The following GPC6 variants were observed in gnomAD, a reference collection of about 807,000 sequenced individuals.
GPC6 encodes glypican 6.
GPC6 carries 14 observed loss-of-function variants against 55.2 expected under a neutral mutation model. That is an observed-to-expected ratio of 0.25 (90% CI 0.17 to 0.40). GPC6 has a LOEUF of 0.40. GPC6 is among the 10% of genes least tolerant of loss of function. GPC6 has a pLI of 1.00. For synonymous variants in GPC6, 278 were observed against 259.6 expected, an observed-to-expected ratio of 1.07 and a Z score of -0.68; for missense variants, 641 against 708.5, an observed-to-expected ratio of 0.90 and a Z score of 1.08.
chr13:94,098,740 G>C (rs1349699909), intron 4 of GPC6, among the ~76,000 whole-genome samples: 2 of 152,048 alleles, frequency 1.3e-5, no homozygotes, highest in African/African-American at 4.8e-5. Context: ...TTCCTAAGAG[G>C]CAGGTATTTA....
At chr13:93,543,511 T>C (rs1292644113) in intron 1 of GPC6, among the ~76,000 whole-genome samples, 3 of 152,052 alleles carry the variant, frequency 2.0e-5, no homozygotes, top group African/African-American at 7.2e-5. Flanking sequence ...TCTGCCCGGC[T>C]TTGGTATCAG....
chr13:93,593,157 A>T (rs1877566363), intron 2 of GPC6, among the ~76,000 whole-genome samples: 1 of 152,172 alleles, frequency 6.6e-6, no homozygotes, highest in Non-Finnish European at 1.5e-5. Context: ...CATAGTTAAA[A>T]TCAGAAATAG....
At chr13:93,561,443 A>G (rs1228012413) in intron 2 of GPC6, among the ~76,000 whole-genome samples, 2 of 147,682 alleles carry the variant, frequency 1.4e-5, no homozygotes, top group Non-Finnish European at 3.0e-5. Flanking sequence ...CAGTTCTTAT[A>G]TTCTAATACT....
chr13:93,419,381 C>T (rs1198340165), intron 1 of GPC6, among the ~76,000 whole-genome samples: 2 of 151,768 alleles, frequency 1.3e-5, no homozygotes, highest in Non-Finnish European at 2.9e-5. Flanking sequence ...GTTAGCATCT[C>T]CTTATATCGG....
At chr13:93,910,107 CTG>C (rs1457625415) in intron 3 of GPC6, among the ~76,000 whole-genome samples, 4 of 151,798 alleles carry the variant, frequency 2.6e-5, no homozygotes, top group African/African-American at 9.7e-5. Context: ...TATGGTTTGG[CTG>C]TGTTCCCACC....
rs1016143301 is a variant in GPC6, at chr13:94,403,434, C to T, written c.*217C>T. ...CTTTCCTTCAGCTATCTGTGGGGAC[C>T]TTGTTTATTCTAGAGAGAATTCTTA... On this transcript the variant is annotated 3_prime_UTR_variant, in exon 9 of 9. Transcript: ENST00000377047. The T allele has an allele frequency of 1.0e-5, 6 of 585,750 alleles. No homozygotes were observed. The highest frequency in any genetic ancestry group is 9.3e-5 in the African/African-American group (5 of 53,702). The allele number at this position is 585,750 out of a possible 1,614,324, so 36.3% of individuals were successfully genotyped here.
intron 5 of GPC6, among the ~76,000 whole-genome samples, chr13:94,286,759 C>T (rs1892543367): frequency 6.6e-6 from 1 of 152,210 alleles, no homozygotes; most frequent in Non-Finnish European, 1.5e-5. Context: ...TAATCCCTCA[C>T]ATTTGTGAGC....
At chr13:93,589,119 G>A (rs1254817479) in intron 2 of GPC6, among the ~76,000 whole-genome samples, 2 of 152,094 alleles carry the variant, frequency 1.3e-5, no homozygotes, top group Admixed American at 1.3e-4. Flanking sequence ...CAGAAAGTTG[G>A]AAAAAGAGTA....
intron 3 of GPC6, among the ~76,000 whole-genome samples, chr13:93,859,179 A>C (rs1888726609): frequency 6.6e-6 from 1 of 151,758 alleles, no homozygotes; most frequent in South Asian, 2.1e-4. Flanking sequence ...TTAGGTCTTA[A>C]GCACTTTCTC....
At chr13:93,637,429 T>A (rs181640072) in intron 2 of GPC6, among the ~76,000 whole-genome samples, 291 of 152,282 alleles carry the variant, frequency 1.9e-3, no homozygotes, top group African/African-American at 6.3e-3. Context: ...GCCACAATGT[T>A]TTGCCAGACT....
chr13:94,037,342 G>A (rs1883374488), intron 4 of GPC6, among the ~76,000 whole-genome samples: 1 of 151,862 alleles, frequency 6.6e-6, no homozygotes, highest in Non-Finnish European at 1.5e-5. Flanking sequence ...ATCCAGATAT[G>A]CGCTTCCCGA....
At chr13:94,237,552 A>C (rs1454043249) in intron 4 of GPC6, among the ~76,000 whole-genome samples, 3 of 152,142 alleles carry the variant, frequency 2.0e-5, no homozygotes, top group African/African-American at 7.2e-5. Context: ...TAGCTAAGTG[A>C]AATGTAAATG....
At chr13:93,485,287 G>A (rs1879663394) in intron 1 of GPC6, among the ~76,000 whole-genome samples, 1 of 152,178 alleles carries the variant, frequency 6.6e-6, no homozygotes, top group South Asian at 2.1e-4. Context: ...ACAGGCGGTG[G>A]CATCATAAGA....
intron 2 of GPC6, among the ~76,000 whole-genome samples, chr13:93,642,105 A>G (rs1879973486): frequency 6.6e-6 from 1 of 152,062 alleles, no homozygotes; most frequent in Non-Finnish European, 1.5e-5. Context: ...TCACCCAGGA[A>G]GTGACCATAG....
intron 1 of GPC6, among the ~76,000 whole-genome samples, chr13:93,372,807 G>T (rs1358290287): frequency 6.6e-6 from 1 of 152,132 alleles, no homozygotes; most frequent in Non-Finnish European, 1.5e-5. Context: ...TTTAAACTGA[G>T]TCTATTAGCC....
chr13:94,263,165 C>T (rs927195534), intron 4 of GPC6, among the ~76,000 whole-genome samples: 9 of 152,194 alleles, frequency 5.9e-5, no homozygotes, highest in African/African-American at 1.9e-4. Flanking sequence ...GGAAGGGCAG[C>T]GTCCTGGAGT....
chr13:93,223,583 G>A (rs1296307470), upstream of GPC6, among the ~76,000 whole-genome samples: 20 of 152,014 alleles, frequency 1.3e-4, no homozygotes, highest in African/African-American at 4.8e-4. Context: ...AGCTGGGACT[G>A]CAGGCACATA....
chr13:93,734,491 C>G (rs1883930484), intron 2 of GPC6, among the ~76,000 whole-genome samples: 1 of 152,136 alleles, frequency 6.6e-6, no homozygotes, highest in South Asian at 2.1e-4. Flanking sequence ...AAACCACTCC[C>G]TGTTCCATCA....
At chr13:94,109,663 A>G (rs764667393) in intron 4 of GPC6, among the ~76,000 whole-genome samples, 4 of 152,156 alleles carry the variant, frequency 2.6e-5, no homozygotes, top group Non-Finnish European at 5.9e-5. Flanking sequence ...TGTAGTCAGT[A>G]TGGTACCTAC....
Sources: allele counts gnomAD v4.1 joint callset (sites outside exome capture counted in the v4.1 genomes callset), GRCh38; gene constraint gnomAD v4.1.1; transcripts MANE v1.5; gene names NCBI Gene and HGNC (gene_info 2026-07-23, HGNC 2026-07-21).